The following TENM3 variants were observed in gnomAD, a reference collection of about 807,000 sequenced individuals.
TENM3 encodes teneurin-3.
Under a neutral mutation model 255.1 loss-of-function variants are expected in TENM3, and 63 were observed. The observed-to-expected ratio is 0.25, with a 90% CI of 0.20 to 0.30. The LOEUF is 0.30. TENM3 is among the 10% of genes least tolerant of loss of function. TENM3 has a pLI of 1.00. For synonymous variants in TENM3, 1,306 were observed against 1,322.3 expected (o/e 0.99, Z 0.27); for missense variants, 2,929 against 3,461.1 (o/e 0.85, Z 3.86).
intron 22 of TENM3, among the ~76,000 whole-genome samples, chr4:182,771,190 G>T (rs1279194752): frequency 1.3e-5 from 2 of 152,200 alleles, no homozygotes; most frequent in African/African-American, 4.8e-5. Context: ...AAAGTCAGAG[G>T]TTGCAGAAAT....
At chr4:181,462,320 C>T in the TENM3 span, among the ~76,000 whole-genome samples, 1 of 152,118 alleles carries the variant, frequency 6.6e-6, no homozygotes, top group Non-Finnish European at 1.5e-5. Context: ...CCTCCAGAGT[C>T]CTTTCCATTT....
the TENM3 span, among the ~76,000 whole-genome samples, chr4:181,628,040 G>A: frequency 0.5 from 76,025 of 151,974 alleles, 19,685 homozygotes; most frequent in Non-Finnish European, 0.57. Context: ...TAACTGGTGT[G>A]AGATGGTATC....
At chr4:182,273,495 A>G (rs1372296798) in intron 1 of TENM3, among the ~76,000 whole-genome samples, 1 of 152,252 alleles carries the variant, frequency 6.6e-6, no homozygotes, top group Non-Finnish European at 1.5e-5. Flanking sequence ...TGAGTGAATC[A>G]GTAACATGAT....
chr4:181,997,226 T>C, the TENM3 span, among the ~76,000 whole-genome samples: 2 of 152,140 alleles, frequency 1.3e-5, no homozygotes, highest in Admixed American at 1.3e-4. Flanking sequence ...GTTTTATTGG[T>C]GTCAAGCCCA....
chr4:181,972,952 A>G, the TENM3 span, among the ~76,000 whole-genome samples: 5 of 152,302 alleles, frequency 3.3e-5, no homozygotes, highest in East Asian at 9.7e-4. Flanking sequence ...CCCTGACTGC[A>G]GTGGAGGTGT....
the TENM3 span, among the ~76,000 whole-genome samples, chr4:182,130,720 T>C: frequency 6.6e-6 from 1 of 151,572 alleles, no homozygotes; most frequent in Non-Finnish European, 1.5e-5. Context: ...ATCTGGACAG[T>C]TGGTATTAGA....
chr4:181,916,674 C>T, the TENM3 span, among the ~76,000 whole-genome samples: 1 of 152,098 alleles, frequency 6.6e-6, no homozygotes, highest in East Asian at 1.9e-4. Context: ...GTCAGGAGAT[C>T]GAGACCACCC....
At chr4:182,088,657 AC>A in the TENM3 span, among the ~76,000 whole-genome samples, 5 of 151,898 alleles carry the variant, frequency 3.3e-5, no homozygotes, top group Non-Finnish European at 7.4e-5. Context: ...CCATGGTGAA[AC>A]CCCATCTCTA....
intron 5 of TENM3, among the ~76,000 whole-genome samples, chr4:182,649,314 A>G (rs1030542172): frequency 3.3e-5 from 5 of 150,620 alleles, no homozygotes; most frequent in Admixed American, 3.3e-4. Flanking sequence ...TCTACAAAAA[A>G]AGAAGATAAT....
At chr4:181,935,988 C>T in the TENM3 span, among the ~76,000 whole-genome samples, 1 of 152,138 alleles carries the variant, frequency 6.6e-6, no homozygotes, top group Admixed American at 6.5e-5. Flanking sequence ...CATATCCAAG[C>T]TATGTAACTC....
chr4:181,888,536 G>C, the TENM3 span, among the ~76,000 whole-genome samples: 1 of 69,792 alleles, frequency 1.4e-5, no homozygotes, highest in African/African-American at 6.3e-5. Flanking sequence ...ACATATATGT[G>C]TATATATATA....
chr4:182,600,147 A>C (rs571835359), intron 3 of TENM3, among the ~76,000 whole-genome samples: 1 of 152,366 alleles, frequency 6.6e-6, no homozygotes, highest in African/African-American at 2.4e-5. Context: ...ACATAGTGGC[A>C]TGAGCCTATC....
At chr4:181,473,449 G>T in the TENM3 span, among the ~76,000 whole-genome samples, 1,232 of 152,028 alleles carry the variant, frequency 8.1e-3, 13 homozygotes, top group African/African-American at 0.027. Context: ...AAAATTAGCT[G>T]GGGGTGGCGA....
chr4:181,821,460 T>C, the TENM3 span: 13 of 152,324 alleles, frequency 8.5e-5, no homozygotes, highest in Admixed American at 8.5e-4. Flanking sequence ...TCTTTAAAAT[T>C]CCACAGCTCC....
chr4:182,415,468 TTGAC>T (rs1455157487), intron 3 of TENM3, among the ~76,000 whole-genome samples: 1 of 152,232 alleles, frequency 6.6e-6, no homozygotes, highest in Non-Finnish European at 1.5e-5. Flanking sequence ...TACAAACCCT[TTGAC>T]TGGCAGCCAG....
At chr4:181,777,874 G>T in the TENM3 span, among the ~76,000 whole-genome samples, 1 of 152,072 alleles carries the variant, frequency 6.6e-6, no homozygotes, top group East Asian at 1.9e-4. Flanking sequence ...TCAAAGATTA[G>T]TTGTAGCTGA....
At chr4:182,290,062 T>C (rs1761014523) in intron 1 of TENM3, among the ~76,000 whole-genome samples, 1 of 152,118 alleles carries the variant, frequency 6.6e-6, no homozygotes, top group Non-Finnish European at 1.5e-5. Context: ...GCCATGCCCT[T>C]CCTCACCGGG....
chr4:182,480,942 G>A (rs1443954040), intron 3 of TENM3, among the ~76,000 whole-genome samples: 4 of 152,050 alleles, frequency 2.6e-5, no homozygotes, highest in South Asian at 2.1e-4. Flanking sequence ...AGTTTGAAAG[G>A]CACAAGTAGT....
chr4:181,786,436 G>A, the TENM3 span, among the ~76,000 whole-genome samples: 26,939 of 152,142 alleles, frequency 0.18, 3,071 homozygotes, highest in Non-Finnish European at 0.25. Flanking sequence ...CTTCATAGTG[G>A]AGAAATGGGT....
Sources: gnomAD v4.1 joint callset for allele counts (sites outside exome capture counted in the v4.1 genomes callset) on GRCh38, gnomAD v4.1.1 for gene constraint, MANE v1.5 for transcripts, NCBI Gene and HGNC (gene_info 2026-07-23, HGNC 2026-07-21) for gene names.